Variants in AIG1 observed in about 807,000 individuals in gnomAD.
The protein encoded by AIG1 is androgen induced 1.
A neutral mutation model predicts 31.4 loss-of-function variants in AIG1; 23 were observed. That is an observed-to-expected ratio of 0.73 (90% CI 0.53 to 1.04). The LOEUF (loss-of-function observed/expected upper bound fraction) is 1.04, where lower values mean the gene tolerates loss of function less well. Among genes scored for constraint, AIG1 ranks in the 50% least tolerant of loss-of-function variants. The pLI, the probability that AIG1 is intolerant of heterozygous loss-of-function variation, is 0.00. For missense variants in AIG1, 274 were observed against 295.0 expected (o/e 0.93, Z 0.52); for synonymous variants, 100 against 110.5 (o/e 0.90, Z 0.60).
rs977541790 is a variant in AIG1, at chr6:143,188,015, A to G, written c.399+22832A>G. ...AGGTAATGGAGAACTTTGGCATACCACTTTTGTTTCTTTTAGGTGATTTTT... is the reference window on the plus strand; with the variant it reads ...AGGTAATGGAGAACTTTGGCATACCGCTTTTGTTTCTTTTAGGTGATTTTT... On this transcript the variant is annotated intron_variant, in intron 3 of 5. Coordinates refer to ENST00000357847, the MANE Select transcript of AIG1 (RefSeq NM_016108.4). The G allele has an allele frequency of 5.4e-6, 6 of 1,112,262 alleles. No homozygotes were observed. In the African/African-American group the frequency reaches 8.2e-5, roughly 15 times the overall value. 68.9% of individuals were successfully genotyped at this position (1,112,262 alleles called of 1,614,324 possible). A position where few individuals can be genotyped will look rare whatever the true frequency, so the allele number is the denominator to read the frequency against.
intron 3 of AIG1, among the ~76,000 whole-genome samples, chr6:143,216,066 G>A (rs1455418637): frequency 2.6e-5 from 4 of 151,804 alleles, no homozygotes; most frequent in African/African-American, 9.7e-5. Context: ...TTGAGTCCTT[G>A]TGATATATAT....
Position 143,331,143 on chromosome 6 carries a change from G to GT in AIG1, c.516-2129dup, listed in dbSNP as rs955413236. ...TCTACCAAGGAACCTTTGTAGACCT[G>GT]TTTTTTTTTTCCTAATTTCCACCAC... On this transcript the variant is annotated intron_variant, in intron 4 of 5. Coordinates refer to ENST00000357847, the MANE Select transcript of AIG1 (RefSeq NM_016108.4). The surrounding 1 kb of genome is among the most constrained non-coding windows in gnomAD (Gnocchi z 4.1). Among the ~76,000 whole-genome samples, 66 of 147,130 alleles carry GT rather than the reference G, an allele frequency of 4.5e-4. No homozygotes were observed. The highest frequency in any genetic ancestry group is 1.2e-3 in the East Asian group (6 of 5,076).
Position 143,215,845 on chromosome 6 carries a change from G to A in AIG1, c.399+50662G>A, listed in dbSNP as rs568049608. Among the ~76,000 whole-genome samples the A allele has an allele frequency of 2.9e-4, 44 of 152,118 alleles. No individual in the cohort carries two copies. The South Asian group carries it at 4.8e-3, about 17-fold the overall frequency. ...GTTAGTAAACCTTTTTTTGTAAAAG[G>A]CCAGAAAATAAACATTTTAGGCTTT... On this transcript the variant is annotated intron_variant, in intron 3 of 5. Coordinates refer to ENST00000357847, the MANE Select transcript of AIG1 (RefSeq NM_016108.4).
intron 3 of AIG1, among the ~76,000 whole-genome samples, chr6:143,273,819 C>A (rs1583696405): frequency 6.6e-6 from 1 of 152,198 alleles, no homozygotes; most frequent in East Asian, 1.9e-4. Context: ...CCACCAGGAC[C>A]CTCCCAAACA....
chr6:143,278,152 G>A (rs746178187), intron 3 of AIG1, among the ~76,000 whole-genome samples: 3 of 152,180 alleles, frequency 2.0e-5, no homozygotes, highest in African/African-American at 4.8e-5. Flanking sequence ...CATTACATTC[G>A]TCTGTCAGAA....
At chr6:143,264,938 T>A (rs967086021) in intron 3 of AIG1, among the ~76,000 whole-genome samples, 1 of 152,228 alleles carries the variant, frequency 6.6e-6, no homozygotes, top group African/African-American at 2.4e-5. Flanking sequence ...AGCTTCGCAA[T>A]GACAACACTC....
chr6:143,105,789 T>C (rs1188336972), intron 1 of AIG1, among the ~76,000 whole-genome samples: 1 of 152,252 alleles, frequency 6.6e-6, no homozygotes, highest in Non-Finnish European at 1.5e-5. Flanking sequence ...TAGTACATGT[T>C]CCTTGAGGTT....
intron 3 of AIG1, among the ~76,000 whole-genome samples, chr6:143,223,255 A>C (rs1456711773): frequency 1.3e-5 from 2 of 152,198 alleles, no homozygotes; most frequent in African/African-American, 4.8e-5. Context: ...AATCCATCCC[A>C]GACCTACAAA....
intron 3 of AIG1, among the ~76,000 whole-genome samples, chr6:143,251,202 G>A (rs1401625769): frequency 2.0e-5 from 3 of 152,036 alleles, no homozygotes; most frequent in South Asian, 2.1e-4. Context: ...ACAGGCGTGC[G>A]CCACCACGCC....
chr6:143,137,632 G>A (rs1481659997), intron 2 of AIG1, among the ~76,000 whole-genome samples: 1 of 152,152 alleles, frequency 6.6e-6, no homozygotes, highest in Admixed American at 6.5e-5. Context: ...GTTTGGGTCT[G>A]TTTTGACTTC....
chr6:143,305,267 C>T (rs1799179650), intron 4 of AIG1, among the ~76,000 whole-genome samples: 1 of 152,158 alleles, frequency 6.6e-6, no homozygotes, highest in Non-Finnish European at 1.5e-5. Flanking sequence ...CTTCTGCTAG[C>T]TTTTGAATGT....
In AIG1 at chr6:143,291,009, G is replaced by A. The variant is rs1019089654; in HGVS notation, c.515+6784G>A. ...TTTGGATCTAGGGGAGCTGTTGGGGGAAGGAAGGGCCTCTCCACACTGACC... is the reference window on the plus strand; with the variant it reads ...TTTGGATCTAGGGGAGCTGTTGGGGAAAGGAAGGGCCTCTCCACACTGACC... On this transcript the variant is annotated intron_variant, in intron 4 of 5. Coordinates refer to ENST00000357847, the MANE Select transcript of AIG1 (RefSeq NM_016108.4). This position sits in a 1 kb window ranked among gnomAD's most constrained non-coding sequence, Gnocchi z 4.2. Among the ~76,000 whole-genome samples the A allele has an allele frequency of 6.6e-6, 1 of 152,118 alleles. No homozygotes were observed.
At chr6:143,171,443 A>T (rs1245603256) in intron 3 of AIG1, among the ~76,000 whole-genome samples, 33 of 80,390 alleles carry the variant, frequency 4.1e-4, no homozygotes, top group African/African-American at 2.1e-3. Flanking sequence ...TATATATATA[A>T]TATATATATT....
At chr6:143,271,852 T>C (rs1796548814) in intron 3 of AIG1, among the ~76,000 whole-genome samples, 1 of 112,684 alleles carries the variant, frequency 8.9e-6, no homozygotes, top group Non-Finnish European at 1.7e-5. Context: ...TCAGTTTGCT[T>C]ATAAATTGCA....
At chr6:143,171,526 T>TA (rs1787628414) in intron 3 of AIG1, among the ~76,000 whole-genome samples, 5 of 129,274 alleles carry the variant, frequency 3.9e-5, no homozygotes, top group African/African-American at 1.4e-4. Context: ...ATATATATAT[T>TA]TAATATATAT....
At chr6:143,132,759 G>T (rs549990714) in intron 1 of AIG1, among the ~76,000 whole-genome samples, 17 of 151,464 alleles carry the variant, frequency 1.1e-4, no homozygotes, top group African/African-American at 4.1e-4. Flanking sequence ...TCTTCTTTCA[G>T]TGATTAATTT....
rs559142392 is a variant in AIG1, at chr6:143,213,476, A to G, written c.399+48293A>G. 9.6e-5 allele frequency among the ~76,000 whole-genome samples: 14 copies of G among 145,864 alleles called. No homozygotes were observed. In the East Asian group the frequency reaches 2.8e-3, roughly 29 times the overall value. On this transcript the variant is annotated intron_variant, in intron 3 of 5. Coordinates refer to ENST00000357847, the MANE Select transcript of AIG1 (RefSeq NM_016108.4). ...GTTGGGAGAGGAGCACAAGTGCACA[A>G]GTGTCTGGAAAGTTCTTTCTTTTTC...
intron 4 of AIG1, among the ~76,000 whole-genome samples, chr6:143,308,347 T>C (rs1583822286): frequency 6.6e-6 from 1 of 152,382 alleles, no homozygotes; most frequent in African/African-American, 2.4e-5. Context: ...TCGGCCATCT[T>C]GGCTGCTTCC....
chr6:143,260,017 CT>C (rs35620148), intron 3 of AIG1, among the ~76,000 whole-genome samples: 15,601 of 85,364 alleles, frequency 0.18, 417 homozygotes, highest in East Asian at 0.47. Context: ...TCTTGTGCTT[CT>C]TTTTTTTTTT....
Sources: gnomAD v4.1 joint callset for allele counts (sites outside exome capture counted in the v4.1 genomes callset) on GRCh38, gnomAD v4.1.1 for gene constraint, Gnocchi (gnomAD v3.1) non-coding constraint, MANE v1.5 for transcripts, NCBI Gene and HGNC (gene_info 2026-07-23, HGNC 2026-07-21) for gene names.